BRD10: variants seen among roughly 807,000 people sequenced by gnomAD.
BRD10 encodes bromodomain containing 10.
the BRD10 span, among the ~76,000 whole-genome samples, chr9:5,900,395 T>A: frequency 1.3e-5 from 2 of 152,184 alleles, no homozygotes; most frequent in Non-Finnish European, 2.9e-5. Flanking sequence ...TATTAAAATC[T>A]TATTTTGAGA....
At chr9:5,918,278 C>G in the BRD10 span, among the ~76,000 whole-genome samples, 5 of 152,194 alleles carry the variant, frequency 3.3e-5, no homozygotes, top group African/African-American at 1.2e-4. Context: ...TAGGCCTATG[C>G]TTCCATATCA....
chr9:5,908,683 A>G, the BRD10 span: 4 of 1,614,150 alleles, frequency 2.5e-6, no homozygotes, highest in Middle Eastern at 1.6e-4. Context: ...TCTGCAGAAC[A>G]GTCACCACCA....
the BRD10 span, among the ~76,000 whole-genome samples, chr9:5,907,567 GAAAT>G: frequency 1.3e-5 from 2 of 152,268 alleles, no homozygotes; most frequent in Non-Finnish European, 1.5e-5. Flanking sequence ...GATTCACCTT[GAAAT>G]AAATATTCTG....
chr9:5,963,483 A>G, the BRD10 span, among the ~76,000 whole-genome samples: 3 of 146,000 alleles, frequency 2.1e-5, no homozygotes, highest in South Asian at 2.3e-4. Flanking sequence ...ATACTGCCCA[A>G]GGTAATTTAC....
At chr9:5,973,838 T>C in the BRD10 span, among the ~76,000 whole-genome samples, 91 of 152,218 alleles carry the variant, frequency 6.0e-4, no homozygotes, top group African/African-American at 2.1e-3. Context: ...GCTGTGTTCA[T>C]GCCATGGCAC....
chr9:6,005,098 T>C, the BRD10 span, among the ~76,000 whole-genome samples: 1 of 152,254 alleles, frequency 6.6e-6, no homozygotes, highest in East Asian at 1.9e-4. Flanking sequence ...ATATGGATAC[T>C]ATTAGATCAC....
chr9:5,951,940 TCTCTC>T, the BRD10 span, among the ~76,000 whole-genome samples: 2 of 152,142 alleles, frequency 1.3e-5, no homozygotes, highest in African/African-American at 4.8e-5. Flanking sequence ...ATCCTCTCTC[TCTCTC>T]TTCTTCCCTC....
the BRD10 span, among the ~76,000 whole-genome samples, chr9:5,994,901 CTTTT>C: frequency 7.1e-6 from 1 of 141,680 alleles, no homozygotes; most frequent in Non-Finnish European, 1.6e-5. Flanking sequence ...TATCATTTTT[CTTTT>C]TTTTTTTTTT....
the BRD10 span, among the ~76,000 whole-genome samples, chr9:5,975,923 G>T: frequency 1.1e-4 from 17 of 152,104 alleles, 1 homozygote; most frequent in African/African-American, 3.9e-4. Context: ...AGGCAGAAAA[G>T]AACAAAATTA....
At chr9:5,935,222 G>C in the BRD10 span, among the ~76,000 whole-genome samples, 2 of 152,110 alleles carry the variant, frequency 1.3e-5, no homozygotes, top group African/African-American at 4.8e-5. Context: ...TAGGAGAAAA[G>C]GAACGCGTTT....
At chr9:5,913,667 G>T in the BRD10 span, among the ~76,000 whole-genome samples, 1 of 152,128 alleles carries the variant, frequency 6.6e-6, no homozygotes, top group South Asian at 2.1e-4. Context: ...AAATTACATG[G>T]ATGATGGCAA....
chr9:5,920,096 A>C, the BRD10 span: 1 of 1,613,848 alleles, frequency 6.2e-7, no homozygotes, highest in African/African-American at 1.3e-5. Flanking sequence ...AAAAGAGTTT[A>C]TAAATTTTGT....
At chr9:5,928,472 G>C in the BRD10 span, among the ~76,000 whole-genome samples, 4 of 152,266 alleles carry the variant, frequency 2.6e-5, no homozygotes, top group East Asian at 5.8e-4. Flanking sequence ...AGATCTACAT[G>C]ATCTGGCTTC....
the BRD10 span, chr9:5,920,001 G>A: frequency 1.2e-5 from 20 of 1,613,978 alleles, no homozygotes; most frequent in Non-Finnish European, 1.6e-5. Flanking sequence ...GATACTGTTG[G>A]TACAGGAGGT....
At chr9:5,959,864 T>C in the BRD10 span, among the ~76,000 whole-genome samples, 136,028 of 152,212 alleles carry the variant, frequency 0.89, 61,667 homozygotes, top group Non-Finnish European at 0.99. Flanking sequence ...TACCACATGC[T>C]TAGAAAGATC....
chr9:5,898,402 TAAC>T, the BRD10 span, among the ~76,000 whole-genome samples: 1 of 152,148 alleles, frequency 6.6e-6, no homozygotes, highest in Non-Finnish European at 1.5e-5. Context: ...ACTCCTGCAA[TAAC>T]AACATTAATC....
At chr9:5,893,028 G>A in the BRD10 span, among the ~76,000 whole-genome samples, 1 of 152,166 alleles carries the variant, frequency 6.6e-6, no homozygotes, top group African/African-American at 2.4e-5. Context: ...AGCCTTTGCA[G>A]TATAACTTTA....
chr9:5,987,697 T>C, the BRD10 span, among the ~76,000 whole-genome samples: 1 of 152,224 alleles, frequency 6.6e-6, no homozygotes, highest in Non-Finnish European at 1.5e-5. Context: ...ATAACATTAG[T>C]AATCACTCCT....
chr9:5,936,414 C>T, the BRD10 span, among the ~76,000 whole-genome samples: 1 of 152,128 alleles, frequency 6.6e-6, no homozygotes, highest in African/African-American at 2.4e-5. Context: ...CTGCCTTAAA[C>T]ATCTCCTGTC....
Sources: gnomAD v4.1 joint callset for allele counts (sites outside exome capture counted in the v4.1 genomes callset) on GRCh38, gnomAD v4.1.1 for gene constraint, MANE v1.5 for transcripts, NCBI Gene and HGNC (gene_info 2026-07-23, HGNC 2026-07-21) for gene names.